The following SYT1 variants were observed in gnomAD, a reference collection of about 807,000 sequenced individuals.
The protein encoded by SYT1 is synaptotagmin-1.
A neutral mutation model predicts 44.8 loss-of-function variants in SYT1; 8 were observed. The observed-to-expected ratio is 0.18, with a 90% CI of 0.10 to 0.32. The LOEUF (loss-of-function observed/expected upper bound fraction) is 0.32. Ranked by LOEUF, SYT1 falls within the 10% of genes least tolerant of loss-of-function variation. The pLI is 1.00. For missense variants in SYT1, 286 were observed against 509.3 expected (o/e 0.56, Z 4.22); for synonymous variants, 154 against 188.8 (o/e 0.82, Z 1.51).
At chr12:79,142,181 A>G (rs1869598567) in intron 3 of SYT1, among the ~76,000 whole-genome samples, 1 of 152,200 alleles carries the variant, frequency 6.6e-6, no homozygotes, top group African/African-American at 2.4e-5. Flanking sequence ...TGCAGACCAG[A>G]GTTATACCTG....
intron 3 of SYT1, among the ~76,000 whole-genome samples, chr12:79,098,683 G>T (rs988572869): frequency 2.0e-5 from 3 of 152,138 alleles, no homozygotes; most frequent in African/African-American, 7.2e-5. Flanking sequence ...CTTGGCCCCA[G>T]TCCAATCATA....
At chr12:79,203,151 G>GATGTAATAC (rs1454139046) in intron 3 of SYT1, among the ~76,000 whole-genome samples, 5 of 152,060 alleles carry the variant, frequency 3.3e-5, no homozygotes, top group Non-Finnish European at 7.4e-5. Context: ...GTTTTTGGCA[G>GATGTAATAC]ATGTAATACA....
At chr12:79,262,248 A>G (rs1877869861) in intron 4 of SYT1, among the ~76,000 whole-genome samples, 1 of 152,080 alleles carries the variant, frequency 6.6e-6, no homozygotes, top group South Asian at 2.1e-4. Flanking sequence ...GCATGGTTGG[A>G]CTTTTCTCTA....
chr12:79,190,450 A>G (rs1873046749), intron 3 of SYT1, among the ~76,000 whole-genome samples: 1 of 152,048 alleles, frequency 6.6e-6, no homozygotes, highest in South Asian at 2.1e-4. Flanking sequence ...ACACACATAC[A>G]TTTTCATTTC....
At chr12:79,289,995 T>G (rs551182916) in intron 5 of SYT1, among the ~76,000 whole-genome samples, 1 of 152,302 alleles carries the variant, frequency 6.6e-6, no homozygotes, top group South Asian at 2.1e-4. Context: ...ATTTTCATGT[T>G]GTTTCCTGCC....
At chr12:79,276,139 A>AAAAC (rs56995721) in intron 4 of SYT1, among the ~76,000 whole-genome samples, 60 of 151,394 alleles carry the variant, frequency 4.0e-4, no homozygotes, top group Non-Finnish European at 2.4e-4. Flanking sequence ...CTGGCAATAT[A>AAAAC]AAACAAACAA....
intron 4 of SYT1, among the ~76,000 whole-genome samples, chr12:79,225,804 T>C (rs1875482768): frequency 1.3e-5 from 2 of 152,198 alleles, no homozygotes; most frequent in Admixed American, 1.3e-4. Flanking sequence ...CTTTTGGTCT[T>C]TGCCCAATGT....
chr12:78,870,813 G>GGATT (rs1430852290), intron 1 of SYT1, among the ~76,000 whole-genome samples: 1 of 151,966 alleles, frequency 6.6e-6, no homozygotes, highest in Admixed American at 6.6e-5. Flanking sequence ...ACAGGTACTT[G>GGATT]GATTGACTGA....
chr12:78,999,167 C>A (rs540839093), intron 2 of SYT1, among the ~76,000 whole-genome samples: 1 of 152,100 alleles, frequency 6.6e-6, no homozygotes, highest in East Asian at 1.9e-4. Flanking sequence ...AAATTCATAT[C>A]TCGTGTTTTT....
intron 9 of SYT1, among the ~76,000 whole-genome samples, chr12:79,427,806 G>A (rs565713139): frequency 3.9e-5 from 6 of 152,258 alleles, no homozygotes; most frequent in Non-Finnish European, 8.8e-5. Flanking sequence ...AAGTGGGAGC[G>A]TCCTGAGAGA....
At chr12:78,888,458 A>G (rs939900484) in intron 1 of SYT1, among the ~76,000 whole-genome samples, 6 of 151,952 alleles carry the variant, frequency 3.9e-5, no homozygotes, top group East Asian at 1.9e-4. Context: ...CATTTTATGC[A>G]ATCATTTAAA....
chr12:79,302,116 T>A (rs554780409), intron 8 of SYT1, among the ~76,000 whole-genome samples: 1 of 152,302 alleles, frequency 6.6e-6, no homozygotes, highest in African/African-American at 2.4e-5. Flanking sequence ...GACTTTAGTT[T>A]TATGATTTTA....
At chr12:79,158,351 G>T (rs986515280) in intron 3 of SYT1, among the ~76,000 whole-genome samples, 40 of 152,200 alleles carry the variant, frequency 2.6e-4, no homozygotes, top group African/African-American at 9.1e-4. Flanking sequence ...CCTCCTGGAA[G>T]TATCTAATGT....
At chr12:79,192,666 G>A (rs759525503) in intron 3 of SYT1, among the ~76,000 whole-genome samples, 21 of 152,114 alleles carry the variant, frequency 1.4e-4, no homozygotes, top group Admixed American at 2.6e-4. Context: ...TTGCTGGTAG[G>A]TGAAGTATTT....
Position 79,299,377 on chromosome 12 carries a change from A to G in SYT1, c.643-7A>G, listed in dbSNP as rs781739204. On this transcript the variant is annotated splice_region_variant and splice_polypyrimidine_tract_variant and intron_variant, in intron 7 of 10. Transcript: ENST00000261205. ...TGGATATTTTATCCTCATGTCTTTT[A>G]ATTTAGGTACCATACTCGGAATTGG... 6.8e-6 allele frequency: 11 copies of G among 1,611,652 alleles called. No individual in the cohort carries two copies. The African/African-American group carries it at 1.3e-4, about 20-fold the overall frequency.
intron 3 of SYT1, among the ~76,000 whole-genome samples, chr12:79,125,966 T>C (rs2049599): frequency 0.023 from 3,445 of 152,288 alleles, 117 homozygotes; most frequent in South Asian, 0.11. Context: ...GTTTATTTAG[T>C]GTCGTTCTCA....
At chr12:79,172,597 A>T (rs947938132) in intron 3 of SYT1, among the ~76,000 whole-genome samples, 1 of 151,830 alleles carries the variant, frequency 6.6e-6, no homozygotes, top group African/African-American at 2.4e-5. Context: ...GGGGTTAGTT[A>T]TGTGGGGCAA....
At chr12:79,376,711 C>T (rs958777565) in intron 9 of SYT1, among the ~76,000 whole-genome samples, 1 of 152,160 alleles carries the variant, frequency 6.6e-6, no homozygotes, top group African/African-American at 2.4e-5. Flanking sequence ...TTCTAGTTTA[C>T]ATTGCAGTGA....
chr12:79,182,312 G>A (rs2138417107), intron 3 of SYT1, among the ~76,000 whole-genome samples: 1 of 152,028 alleles, frequency 6.6e-6, no homozygotes, highest in East Asian at 1.9e-4. Context: ...CCCTTTCTGT[G>A]ATTTTTTGGG....
Sources: gnomAD v4.1 joint callset for allele counts (sites outside exome capture counted in the v4.1 genomes callset) on GRCh38, gnomAD v4.1.1 for gene constraint, MANE v1.5 for transcripts, NCBI Gene and HGNC (gene_info 2026-07-23, HGNC 2026-07-21) for gene names.